The following ABLIM1 variants were observed in gnomAD, a reference collection of about 807,000 sequenced individuals.
ABLIM1 encodes actin-binding LIM protein 1.
A neutral mutation model predicts 107.0 loss-of-function variants in ABLIM1; 40 were observed. The observed-to-expected ratio is 0.37, with a 90% CI of 0.29 to 0.49. The LOEUF (loss-of-function observed/expected upper bound fraction) is 0.49, where lower values mean the gene tolerates loss of function less well. Ranked by LOEUF, ABLIM1 falls within the 20% of genes least tolerant of loss-of-function variation. The pLI is 0.97. For missense variants in ABLIM1, 857 were observed against 1,008.5 expected, an observed-to-expected ratio of 0.85 and a Z score of 2.04; for synonymous variants, 357 against 357.3, an observed-to-expected ratio of 1.00 and a Z score of 0.01.
chr10:114,547,651 T>C lies in ABLIM1; in HGVS notation c.799A>G (p.Lys267Glu). Residue 267 changes from lysine (K) to glutamate (E), a missense_variant and splice_region_variant, in exon 5 of 23, where the codon AAG (lysine) becomes GAG (glutamate). Physicochemically the swap from Lys to Glu is moderately conservative, Grantham distance 56. This residue lies in a region of ABLIM1 where 381 missense variants were observed against 506.9 expected (regional missense o/e 0.75). Transcript: ENST00000533213. ...GKVLTGEYISKDGAPYCEKDY... is the reference protein window; with the variant it reads ...GKVLTGEYISEDGAPYCEKDY... ...ACGCGTGCCCGCGCCCAGCCTTACT[T>C]GCTGATGTACTCCCCGGTGAGGACC... The C allele has an allele frequency of 6.2e-7, 1 of 1,613,724 alleles. No homozygotes were observed. The highest frequency in any genetic ancestry group is 8.5e-7 in the Non-Finnish European group (1 of 1,179,998).
chr10:114,551,243 T>C (rs1035128507), intron 4 of ABLIM1, among the ~76,000 whole-genome samples: 2 of 152,268 alleles, frequency 1.3e-5, no homozygotes, highest in African/African-American at 4.8e-5. Flanking sequence ...GACTCCCTTT[T>C]TCCTCGGTTA....
intron 1 of ABLIM1, among the ~76,000 whole-genome samples, chr10:114,608,230 G>A (rs2076557573): frequency 6.6e-6 from 1 of 152,210 alleles, no homozygotes; most frequent in Admixed American, 6.5e-5. Flanking sequence ...TGGGCATGGT[G>A]GCATGTGCCT....
At chr10:114,711,727 G>A (rs1832013162) in intron 1 of ABLIM1, among the ~76,000 whole-genome samples, 1 of 152,146 alleles carries the variant, frequency 6.6e-6, no homozygotes, top group Non-Finnish European at 1.5e-5. Flanking sequence ...CCTGAAGTGA[G>A]TAGCTGAGTG....
intron 8 of ABLIM1, among the ~76,000 whole-genome samples, chr10:114,477,494 G>GCC (rs2056641439): frequency 1.3e-5 from 2 of 152,116 alleles, no homozygotes; most frequent in Admixed American, 1.3e-4. Context: ...CCTTATTTTT[G>GCC]CCAAGTGTGG....
At chr10:114,519,299 AATG>A (rs1412613192) in intron 6 of ABLIM1, among the ~76,000 whole-genome samples, 1 of 152,174 alleles carries the variant, frequency 6.6e-6, no homozygotes, top group Non-Finnish European at 1.5e-5. Context: ...CTTTCCTGCT[AATG>A]ATATTTCTGG....
intron 2 of ABLIM1, among the ~76,000 whole-genome samples, chr10:114,591,621 G>A (rs1470790640): frequency 6.6e-6 from 1 of 151,698 alleles, no homozygotes; most frequent in Non-Finnish European, 1.5e-5. Flanking sequence ...TCTGGGAACC[G>A]CAAAAAAAAA....
At chr10:114,677,101 G>A (rs1566223487) in intron 1 of ABLIM1, among the ~76,000 whole-genome samples, 1 of 152,078 alleles carries the variant, frequency 6.6e-6, no homozygotes, top group Non-Finnish European at 1.5e-5. Context: ...CCCTCTGGGG[G>A]ACCCTCCTGG....
chr10:114,483,717 C>T lies in ABLIM1; in HGVS notation c.1041+4241G>A, dbSNP rs74592678. The stretch of plus-strand genomic sequence containing the variant: ...GGTTTAACAAAAATAGAAACTCAAA[C>T]TCTTCTTATCCTTAGCGCAGTTCTG... On this transcript the variant is annotated intron_variant, in intron 8 of 22. Coordinates refer to ENST00000533213, the MANE Select transcript of ABLIM1 (RefSeq NM_002313.7). Among the ~76,000 whole-genome samples the T allele has an allele frequency of 4.0e-3, 604 of 152,352 alleles. 5 individuals carry two copies. The highest frequency in any genetic ancestry group is 0.014 in the African/African-American group (577 of 41,586).
chr10:114,569,120 A>G (rs1056280578), intron 4 of ABLIM1, among the ~76,000 whole-genome samples: 6 of 152,080 alleles, frequency 3.9e-5, no homozygotes, highest in African/African-American at 1.4e-4. Flanking sequence ...ATCTGACCCT[A>G]TCTTATTAGA....
chr10:114,590,918 T>C (rs1394700164), intron 2 of ABLIM1, among the ~76,000 whole-genome samples: 2 of 152,188 alleles, frequency 1.3e-5, no homozygotes, highest in Admixed American at 1.3e-4. Flanking sequence ...TTTTGTCCTC[T>C]GCCTCCCACT....
chr10:114,668,863 C>A (rs777104677), intron 1 of ABLIM1, among the ~76,000 whole-genome samples: 5 of 152,140 alleles, frequency 3.3e-5, no homozygotes, highest in Non-Finnish European at 7.3e-5. Context: ...CTAGGTCTCA[C>A]GGAAAGTCAG....
At chr10:114,542,297 G>A (rs1038224445) in intron 6 of ABLIM1, among the ~76,000 whole-genome samples, 1 of 151,652 alleles carries the variant, frequency 6.6e-6, no homozygotes, top group Non-Finnish European at 1.5e-5. Context: ...TGTAGTCCCA[G>A]CTACTCAGGG....
At chr10:114,476,547 G>A (rs61870097) in intron 8 of ABLIM1, among the ~76,000 whole-genome samples, 2,665 of 151,894 alleles carry the variant, frequency 0.018, 42 homozygotes, top group East Asian at 0.058. Flanking sequence ...GGGAGGCTGA[G>A]GTAGGAGAAT....
intron 1 of ABLIM1, among the ~76,000 whole-genome samples, chr10:114,625,352 G>A (rs759714150): frequency 1.3e-4 from 20 of 152,178 alleles, no homozygotes; most frequent in African/African-American, 9.6e-5. Context: ...ACCAGGCAGC[G>A]TGCATGCATC....
chr10:114,651,145 T>G (rs1166641427), intron 1 of ABLIM1, among the ~76,000 whole-genome samples: 4 of 152,196 alleles, frequency 2.6e-5, no homozygotes, highest in African/African-American at 9.6e-5. Flanking sequence ...GACAATTTAA[T>G]GCCGAATTGT....
chr10:114,587,417 G>A (rs1296098785), intron 2 of ABLIM1, among the ~76,000 whole-genome samples: 6 of 152,114 alleles, frequency 3.9e-5, no homozygotes, highest in African/African-American at 1.4e-4. Flanking sequence ...TACCCTGAAA[G>A]AAGAGCTTAC....
intron 12 of ABLIM1, among the ~76,000 whole-genome samples, chr10:114,462,061 T>C (rs904124883): frequency 3.3e-5 from 5 of 152,144 alleles, no homozygotes; most frequent in African/African-American, 1.2e-4. Flanking sequence ...ACATGTACCT[T>C]TTAGGATTCA....
At chr10:114,436,483 G>C (rs1361706847) in intron 22 of ABLIM1, 110 bp from the exon 23 acceptor site, 2 of 746,060 alleles carry the variant, frequency 2.7e-6, no homozygotes, top group East Asian at 5.2e-5. Context: ...AACAAGGCAG[G>C]AGGACGGGAG....
chr10:114,633,907 A>C (rs1279612398), intron 1 of ABLIM1, among the ~76,000 whole-genome samples: 1 of 152,018 alleles, frequency 6.6e-6, no homozygotes, highest in African/African-American at 2.4e-5. Context: ...GCTTAGGTAC[A>C]TGGGCATCTC....
Sources: gnomAD v4.1 joint callset for allele counts (sites outside exome capture counted in the v4.1 genomes callset) on GRCh38, gnomAD v4.1.1 for gene constraint, gnomAD v4.1.1 regional missense constraint, MANE v1.5 for transcripts, NCBI Gene and HGNC (gene_info 2026-07-23, HGNC 2026-07-21) for gene names.